AKAP19: variants seen among roughly 807,000 people sequenced by gnomAD.
AKAP19 encodes the protein small A-kinase anchoring protein.
the AKAP19 span, among the ~76,000 whole-genome samples, chr2:189,890,631 A>G: frequency 2.0e-5 from 3 of 152,126 alleles, no homozygotes; most frequent in Admixed American, 1.3e-4. Flanking sequence ...TATTTAGGAT[A>G]GTTCTTCTTG....
the AKAP19 span, among the ~76,000 whole-genome samples, chr2:189,889,306 CT>C: frequency 6.6e-6 from 1 of 152,160 alleles, no homozygotes; most frequent in African/African-American, 2.4e-5. Flanking sequence ...GTTGGATAAG[CT>C]TTTTGATGTG....
the AKAP19 span, among the ~76,000 whole-genome samples, chr2:189,925,619 G>A: frequency 1.3e-5 from 2 of 152,094 alleles, no homozygotes; most frequent in African/African-American, 2.4e-5. Context: ...AACAGTTGAG[G>A]ATAGGATGAT....
the AKAP19 span, among the ~76,000 whole-genome samples, chr2:189,914,884 ATT>A: frequency 6.6e-6 from 1 of 152,094 alleles, no homozygotes; most frequent in Non-Finnish European, 1.5e-5. Context: ...TAGAGCCTGG[ATT>A]TAAACCCAGG....
the AKAP19 span, among the ~76,000 whole-genome samples, chr2:190,093,962 T>C: frequency 1.4e-3 from 216 of 152,360 alleles, no homozygotes; most frequent in African/African-American, 5.1e-3. Flanking sequence ...CTCATCTGTC[T>C]TGTGACCAAG....
the AKAP19 span, among the ~76,000 whole-genome samples, chr2:190,165,081 C>T: frequency 6.6e-6 from 1 of 152,142 alleles, no homozygotes; most frequent in Non-Finnish European, 1.5e-5. Context: ...GCATTTACTT[C>T]ATCTTATAAG....
the AKAP19 span, among the ~76,000 whole-genome samples, chr2:190,015,922 A>G: frequency 1.3e-5 from 2 of 152,212 alleles, no homozygotes; most frequent in Non-Finnish European, 2.9e-5. Context: ...GCATAGCAAG[A>G]GTGACCTTTG....
the AKAP19 span, among the ~76,000 whole-genome samples, chr2:190,038,839 A>G: frequency 1.3e-5 from 2 of 151,412 alleles, no homozygotes; most frequent in African/African-American, 4.9e-5. Flanking sequence ...ATTTTACAGG[A>G]ATCTTCTACT....
chr2:189,919,275 G>A, the AKAP19 span, among the ~76,000 whole-genome samples: 26 of 152,162 alleles, frequency 1.7e-4, no homozygotes, highest in African/African-American at 6.3e-4. Context: ...CTTAATGGGT[G>A]TAGGGTTTCC....
chr2:190,072,923 T>A, the AKAP19 span, among the ~76,000 whole-genome samples: 50 of 152,188 alleles, frequency 3.3e-4, no homozygotes, highest in African/African-American at 1.0e-3. Context: ...CTCTTTAACT[T>A]AAAAAGTTAG....
chr2:190,181,119 C>T, the AKAP19 span: 1 of 985,522 alleles, frequency 1.0e-6, no homozygotes, highest in Non-Finnish European at 1.2e-6. Flanking sequence ...TGTAAGTGAA[C>T]ATCTGGGAGG....
chr2:190,185,913 C>T, the AKAP19 span, among the ~76,000 whole-genome samples: 2 of 152,138 alleles, frequency 1.3e-5, no homozygotes, highest in African/African-American at 4.8e-5. Context: ...ACATGTTCCA[C>T]GTTCCAAGGG....
chr2:189,885,824 T>C, the AKAP19 span, among the ~76,000 whole-genome samples: 1 of 152,320 alleles, frequency 6.6e-6, no homozygotes, highest in African/African-American at 2.4e-5. Flanking sequence ...TTTTATTTTA[T>C]TGAGATGGAA....
the AKAP19 span, among the ~76,000 whole-genome samples, chr2:190,115,566 G>A: frequency 5.3e-5 from 8 of 150,232 alleles, no homozygotes; most frequent in African/African-American, 1.7e-4. Context: ...TGATCCGCCC[G>A]CCTCGGCCTC....
the AKAP19 span, among the ~76,000 whole-genome samples, chr2:189,965,451 G>C: frequency 2.6e-5 from 4 of 151,772 alleles, no homozygotes; most frequent in Admixed American, 2.0e-4. Context: ...AAATTAGCAA[G>C]AAAAAAACCA....
At chr2:190,057,506 C>T in the AKAP19 span, 2 of 1,613,346 alleles carry the variant, frequency 1.2e-6, no homozygotes, top group Non-Finnish European at 1.7e-6. Context: ...CAATCCCATC[C>T]AAAAGCTTCA....
the AKAP19 span, among the ~76,000 whole-genome samples, chr2:190,026,452 T>C: frequency 1.3e-5 from 2 of 152,176 alleles, no homozygotes. Context: ...AGTTTTAATA[T>C]AATGATATGG....
chr2:189,968,271 C>T, the AKAP19 span, among the ~76,000 whole-genome samples: 466 of 152,180 alleles, frequency 3.1e-3, 2 homozygotes, highest in Non-Finnish European at 5.3e-3. Context: ...AGGGTCTTGT[C>T]CTGTTGCCCA....
At chr2:189,993,979 A>G in the AKAP19 span, among the ~76,000 whole-genome samples, 2 of 143,576 alleles carry the variant, frequency 1.4e-5, no homozygotes, top group African/African-American at 2.6e-5. Flanking sequence ...TATCTTTTGT[A>G]TTTTTTTAAT....
At chr2:189,949,966 TC>T in the AKAP19 span, among the ~76,000 whole-genome samples, 2 of 151,484 alleles carry the variant, frequency 1.3e-5, no homozygotes, top group Non-Finnish European at 2.9e-5. Flanking sequence ...ATGTAACTCT[TC>T]CAAGGTTTGA....
Sources: gnomAD v4.1 joint callset for allele counts (sites outside exome capture counted in the v4.1 genomes callset) on GRCh38, gnomAD v4.1.1 for gene constraint, MANE v1.5 for transcripts, NCBI Gene and HGNC (gene_info 2026-07-23, HGNC 2026-07-21) for gene names.